The following RYR1 variants were observed in gnomAD, a reference collection of about 807,000 sequenced individuals.
RYR1 encodes the protein central core disease of muscle.
A neutral mutation model predicts 583.5 loss-of-function variants in RYR1; 342 were observed. The ratio of observed to expected loss-of-function variants is 0.59; its 90% CI spans 0.54 to 0.64. The LOEUF is 0.64. RYR1 is among the 30% of genes least tolerant of loss of function. The pLI is 0.00. For synonymous variants in RYR1, 2,791 were observed against 2,822.5 expected, an observed-to-expected ratio of 0.99 and a Z score of 0.35; for missense variants, 6,032 against 6,917.2, an observed-to-expected ratio of 0.87 and a Z score of 4.54.
At chr19:38,531,340 T>C (rs1476594255) in intron 76 of RYR1, among the ~76,000 whole-genome samples, 1 of 151,946 alleles carries the variant, frequency 6.6e-6, no homozygotes, top group Non-Finnish European at 1.5e-5. Flanking sequence ...AGGGTCTTTG[T>C]ATCTTAGTTC....
In RYR1 at chr19:38,444,874, C is replaced by T. The variant is rs1972864887; in HGVS notation, c.631+197C>T. 6.6e-6 allele frequency among the ~76,000 whole-genome samples: 1 copy of T among 150,656 alleles called. No homozygotes were observed. Among genetic ancestry groups the T allele is most frequent in the Admixed American group, 6.6e-5 (1 of 15,106 alleles). On this transcript the variant is annotated intron_variant, in intron 7 of 105. Coordinates refer to ENST00000359596, the MANE Select transcript of RYR1 (RefSeq NM_000540.3). The surrounding 1 kb of genome is among the most constrained non-coding windows in gnomAD (Gnocchi z 5.1). ...GCTCAGAACCCCCCCAAACCCCGAA[C>T]TAAATATCAGGCTCCCAAACTTAGA...
intron 1 of RYR1, among the ~76,000 whole-genome samples, chr19:38,438,436 C>T (rs1466424065): frequency 6.6e-6 from 1 of 151,218 alleles, no homozygotes; most frequent in Non-Finnish European, 1.5e-5. Flanking sequence ...CTCAGGGGCC[C>T]CAGGGAGGTG....
chr19:38,482,946 T>TGA, intron 31 of RYR1, 81 bp from the exon 32 acceptor site: 1 of 1,217,558 alleles, frequency 8.2e-7, no homozygotes, highest in Non-Finnish European at 1.2e-6. Flanking sequence ...ACCTACAAAT[T>TGA]GGCCCCAGAG....
intron 39 of RYR1, among the ~76,000 whole-genome samples, chr19:38,495,664 C>T (rs1969785088): frequency 6.6e-6 from 1 of 152,048 alleles, no homozygotes; most frequent in African/African-American, 2.4e-5. Context: ...TGACAAAGGG[C>T]AACATGGCAA....
At chr19:38,447,152 C>T (rs191461636) in intron 9 of RYR1, among the ~76,000 whole-genome samples, 7 of 152,130 alleles carry the variant, frequency 4.6e-5, no homozygotes, top group African/African-American at 9.6e-5. Flanking sequence ...TCGAGCCCAG[C>T]GGGTCAAGGC....
In RYR1 at chr19:38,490,729, T is replaced by C; in HGVS notation, c.6124T>C (p.Cys2042Arg). ...LDFHQDLLAH[C>R]GIQLDGEEEE... ...CTTTCATCAAGACCTGCTGGCACAC[T>C]GTGGTAAGGAGTGGGGATCAGAGAG... is the stretch of plus-strand genomic sequence containing the variant. The change falls in exon 37 of 106, where the codon TGT (cysteine) becomes CGT (arginine). Residue 2042 changes from cysteine to arginine, a missense_variant. Physicochemically the swap from Cys to Arg is radical, Grantham distance 180 (BLOSUM62 -3). This residue lies in a region of RYR1 where 2,627 missense variants were observed against 2,961.3 expected (regional missense o/e 0.89). Coordinates refer to ENST00000359596, the MANE Select transcript of RYR1 (RefSeq NM_000540.3). The C allele has an allele frequency of 6.2e-7, 1 of 1,605,554 alleles. No homozygotes were observed. The highest frequency in any genetic ancestry group is 1.1e-5 in the South Asian group (1 of 90,916).
chr19:38,543,031 G>A lies in RYR1; in HGVS notation c.11690-316G>A, dbSNP rs763949827. On this transcript the variant is annotated intron_variant, in intron 84 of 105. Transcript: ENST00000359596. This position sits in a 1 kb window ranked among gnomAD's most constrained non-coding sequence, Gnocchi z 4.4. ...TAATTTTTGTATTTTTAGTAGAGAC[G>A]GGGTTTCACCATGTTGGTCAGGCTG... Among the ~76,000 whole-genome samples, 5 of 151,232 alleles carry A rather than the reference G, an allele frequency of 3.3e-5. No homozygotes were observed. The highest frequency in any genetic ancestry group is 7.4e-5 in the Non-Finnish European group (5 of 67,906).
chr19:38,464,691 G>C lies in RYR1; in HGVS notation c.2839G>C (p.Asp947His), dbSNP rs1268551950. Reference protein sequence around the residue: ...HVGMADEKAEDNLKKTKLPKT... With the variant: ...HVGMADEKAEHNLKKTKLPKT... ...GGGCATGGCGGATGAGAAGGCGGAGGACAACCTGAAGAAGACAAAACTCCC... is the reference window on the plus strand; with the variant it reads ...GGGCATGGCGGATGAGAAGGCGGAGCACAACCTGAAGAAGACAAAACTCCC... The change falls in exon 23 of 106, where the codon GAC becomes CAC. Residue 947 changes from aspartate (D) to histidine (H), a missense_variant. By Grantham distance (81) the Asp-to-His change is moderately conservative (BLOSUM62 -1). Coordinates refer to ENST00000359596, the MANE Select transcript of RYR1 (RefSeq NM_000540.3). The C allele has an allele frequency of 7.5e-6, 12 of 1,592,274 alleles. No individual in the cohort carries two copies. The highest frequency in any genetic ancestry group is 1.0e-5 in the Non-Finnish European group (12 of 1,169,624).
chr19:38,442,265 G>T, intron 2 of RYR1, 84 bp from the exon 3 acceptor site: 1 of 972,894 alleles, frequency 1.0e-6, no homozygotes, highest in Non-Finnish European at 1.7e-6. Flanking sequence ...TGGGCATCCA[G>T]ACTAGGGGAG....
chr19:38,581,140 T>C (rs919476632), intron 101 of RYR1, among the ~76,000 whole-genome samples: 2 of 151,310 alleles, frequency 1.3e-5, no homozygotes, highest in Non-Finnish European at 1.5e-5. Flanking sequence ...TGCAGTGGCG[T>C]GATCTCAGCT....
intron 88 of RYR1, among the ~76,000 whole-genome samples, chr19:38,547,959 C>T (rs1329539081): frequency 6.6e-6 from 1 of 152,164 alleles, no homozygotes; most frequent in African/African-American, 2.4e-5. Flanking sequence ...GTGATCCACC[C>T]ACCTCGGTCT....
At chr19:38,534,962 C>T (rs1971902801) in intron 79 of RYR1, 143 bp downstream of exon 79, 44 of 1,092,072 alleles carry the variant, frequency 4.0e-5, no homozygotes, top group Non-Finnish European at 5.4e-5. Flanking sequence ...GCAGCTTCCC[C>T]TTGTATACCT....
In RYR1 at chr19:38,483,386, G is replaced by A; in HGVS notation, c.4804G>A (p.Val1602Met). ...PRLEMQMLMP[V>M]SWSRMPNHFL... ...GCTGGAGATGCAGATGCTGATGCCA[G>A]TGTCCTGGAGCCGCATGCCCAACCA... Residue 1602 changes from valine (V) to methionine (M), a missense_variant, in exon 33 of 106, where the codon GTG becomes ATG. Val to Met is a conservative substitution (Grantham distance 21). This residue lies in a region of RYR1 where 2,627 missense variants were observed against 2,961.3 expected (regional missense o/e 0.89). Coordinates refer to ENST00000359596, the MANE Select transcript of RYR1 (RefSeq NM_000540.3). This position sits in a 1 kb window ranked among gnomAD's most constrained non-coding sequence, Gnocchi z 6.3. 1 of 1,567,722 alleles carries A rather than the reference G, an allele frequency of 6.4e-7. No individual in the cohort carries two copies. The highest frequency in any genetic ancestry group is 8.6e-7 in the Non-Finnish European group (1 of 1,157,220).
Position 38,505,407 on chromosome 19 carries a change from G to T in RYR1, c.8400+9G>T, listed in dbSNP as rs1384670828. ...AGACCTTTTCAGAGAAGGTGACCAG[G>T]CCTTGGGGCCCAGCATTGAGGGTCA... On this transcript the variant is annotated intron_variant, in intron 53 of 105. Transcript: ENST00000359596. 6.3e-7 allele frequency: 1 copy of T among 1,592,556 alleles called. No homozygotes were observed.
chr19:38,581,462 A>G (rs1974205278), intron 101 of RYR1, among the ~76,000 whole-genome samples: 1 of 151,596 alleles, frequency 6.6e-6, no homozygotes, highest in Non-Finnish European at 1.5e-5. Flanking sequence ...TGATCTGCCC[A>G]CCTCGGCCTC....
intron 63 of RYR1, among the ~76,000 whole-genome samples, chr19:38,513,386 CTG>C (rs1306609022): frequency 1.3e-5 from 2 of 151,974 alleles, no homozygotes; most frequent in African/African-American, 4.8e-5. Flanking sequence ...TGACTCATAT[CTG>C]TAATTCCAGC....
Position 38,455,745 on chromosome 19 carries a change from CCA to C in RYR1, c.1788_1789del (p.His596GlnfsTer13). The C allele has an allele frequency of 6.2e-7, 1 of 1,602,340 alleles. No individual in the cohort carries two copies. Among genetic ancestry groups the C allele is most frequent in the South Asian group, 1.1e-5 (1 of 90,834 alleles). On this transcript the variant is annotated frameshift_variant, in exon 16 of 106. Transcript: ENST00000359596. LOFTEE classifies it high-confidence loss of function. Reference protein sequence around the residue: ...ISLLDKHGRNHKVLDVLCSLC... With the variant: ...ISLLDKHGRNXKVLDVLCSLC... Reference sequence around the variant, plus strand: ...CCCTCCTGGACAAGCATGGGAGGAACCACAAGGTCGGCCCCTCACCCCTGACC... The same window carrying C: ...CCCTCCTGGACAAGCATGGGAGGAACCAAGGTCGGCCCCTCACCCCTGACC...
chr19:38,485,858 G>A lies in RYR1; in HGVS notation c.5203G>A (p.Val1735Met), dbSNP rs1969260460. ...CCGCTCCATGCTCTCTGAATACATC[G>A]TGCCCCTCACGCCTGAGACCCGCGC... The part of the protein sequence containing the change: ...SRRSMLSEYI[V>M]PLTPETRAIT... The change falls in exon 34 of 106, where the codon GTG (valine) becomes ATG (methionine). Residue 1735 changes from valine to methionine, a missense_variant. This residue lies in a region of RYR1 where 2,627 missense variants were observed against 2,961.3 expected (regional missense o/e 0.89). Transcript: ENST00000359596. 4 of 1,613,672 alleles carry A rather than the reference G, an allele frequency of 2.5e-6. No homozygotes were observed. Among genetic ancestry groups the A allele is most frequent in the Admixed American group, 1.7e-5 (1 of 60,014 alleles).
intron 31 of RYR1, among the ~76,000 whole-genome samples, chr19:38,479,539 C>G (rs1455804377): frequency 6.6e-6 from 1 of 151,720 alleles, no homozygotes; most frequent in East Asian, 1.9e-4. Flanking sequence ...TCCTAAGTAG[C>G]TGGGACTATA....
Sources: gnomAD v4.1 joint callset for allele counts (sites outside exome capture counted in the v4.1 genomes callset) on GRCh38, gnomAD v4.1.1 for gene constraint, gnomAD v4.1.1 regional missense constraint, Gnocchi (gnomAD v3.1) non-coding constraint, MANE v1.5 for transcripts, NCBI Gene and HGNC (gene_info 2026-07-23, HGNC 2026-07-21) for gene names.